The following LRRC49 variants were observed in gnomAD, a reference collection of about 807,000 sequenced individuals.
The protein encoded by LRRC49 is leucine-rich repeat-containing protein 49.
LRRC49 carries 50 observed loss-of-function variants against 83.3 expected under a neutral mutation model. The ratio of observed to expected loss-of-function variants is 0.60; its 90% confidence interval spans 0.48 to 0.76. The LOEUF (loss-of-function observed/expected upper bound fraction) is 0.76. LRRC49 is among the 30% of genes least tolerant of loss of function. The probability of loss-of-function intolerance (pLI) is 0.00; values close to 1 mark genes in which losing one functional copy is unlikely to be tolerated. For synonymous variants in LRRC49, 286 were observed against 283.3 expected, an observed-to-expected ratio of 1.01 and a Z score of -0.10; for missense variants, 704 against 809.1, an observed-to-expected ratio of 0.87 and a Z score of 1.58.
upstream of LRRC49, among the ~76,000 whole-genome samples, chr15:70,888,438 A>G (rs564991840): frequency 7.9e-5 from 12 of 152,344 alleles, no homozygotes; most frequent in African/African-American, 2.6e-4. Flanking sequence ...TTTCAATAAA[A>G]GATGCTGAGT....
intron 8 of LRRC49, among the ~76,000 whole-genome samples, chr15:70,959,077 G>A (rs1314063400): frequency 8.5e-5 from 13 of 152,142 alleles, no homozygotes. Flanking sequence ...TGGTAATTTA[G>A]TGCCTGAATA....
intron 5 of LRRC49, among the ~76,000 whole-genome samples, chr15:70,905,327 A>G (rs1445784122): frequency 6.6e-6 from 1 of 152,198 alleles, no homozygotes; most frequent in South Asian, 2.1e-4. Flanking sequence ...AGCTTTTGCA[A>G]TGCCTACAAA....
At chr15:70,951,000 A>G (rs2036197094) in intron 8 of LRRC49, among the ~76,000 whole-genome samples, 1 of 152,092 alleles carries the variant, frequency 6.6e-6, no homozygotes, top group African/African-American at 2.4e-5. Context: ...TCTCAACACC[A>G]TTTATTGAAT....
At chr15:70,937,593 C>T (rs978885343) in intron 8 of LRRC49, among the ~76,000 whole-genome samples, 3 of 152,060 alleles carry the variant, frequency 2.0e-5, no homozygotes, top group Non-Finnish European at 4.4e-5. Flanking sequence ...AGATTTAGAG[C>T]ATATCTTTTT....
chr15:70,925,587 A>T (rs1297968693), intron 7 of LRRC49, among the ~76,000 whole-genome samples: 1 of 152,192 alleles, frequency 6.6e-6, no homozygotes, highest in Non-Finnish European at 1.5e-5. Flanking sequence ...CTGTGTGAAC[A>T]ATTCATATTG....
chr15:70,965,087 C>T (rs563749712), intron 9 of LRRC49, among the ~76,000 whole-genome samples: 12 of 152,194 alleles, frequency 7.9e-5, no homozygotes, highest in African/African-American at 2.4e-4. Context: ...AACACTGTTT[C>T]ATATTTTTGT....
intron 1 of LRRC49, chr15:70,893,330 C>T (rs1189647903): frequency 3.6e-6 from 2 of 561,440 alleles, no homozygotes. Context: ...TGGCAAATGT[C>T]GAAAGCCTGA....
At chr15:70,892,731 GT>G, upstream of LRRC49, 1 of 1,508,226 alleles carries the variant, frequency 6.6e-7, no homozygotes. Flanking sequence ...TGCAACGACT[GT>G]GTGGCTCTAT....
intron 2 of LRRC49, chr15:70,882,836 G>A (rs1301286211): frequency 1.2e-6 from 2 of 1,614,008 alleles, no homozygotes; most frequent in Non-Finnish European, 1.7e-6. Flanking sequence ...CAGTGAGTAG[G>A]TACTGAAGTG....
chr15:70,860,743 T>C (rs1278216602), intron 1 of LRRC49, among the ~76,000 whole-genome samples: 3 of 152,236 alleles, frequency 2.0e-5, no homozygotes, highest in Admixed American at 2.0e-4. Context: ...AGGTGTGAGA[T>C]TTTTATGAGT....
At position 70,990,542 on chromosome 15, in the gene LRRC49, C is replaced by T. The variant is rs572978523; in HGVS notation, c.1169+6285C>T. 1.4e-4 allele frequency among the ~76,000 whole-genome samples: 22 copies of T among 152,322 alleles called. No homozygotes were observed. The East Asian group carries it at 4.1e-3, about 28-fold the overall frequency. ...ATTTTCCAGGTGCCATCTGTCACCG[C>T]TTTCTTTGACTAGGAAAGGGAACTC... is the stretch of plus-strand genomic sequence containing the variant. On this transcript the variant is annotated intron_variant, in intron 11 of 15. Transcript: ENST00000260382.
In LRRC49 at chr15:71,009,738, C is replaced by T. The variant is rs2038586062; in HGVS notation, c.1408-69C>T. ...TTTACCTGGGGAATGATTAGTGAAG[C>T]TTTAATGTTAATATTTCAATATGGT... On this transcript the variant is annotated intron_variant, in intron 12 of 15. Coordinates refer to ENST00000260382, the MANE Select transcript of LRRC49 (RefSeq NM_017691.5). 1.3e-5 allele frequency: 14 copies of T among 1,065,970 alleles called. No individual in the cohort carries two copies. In the South Asian group the frequency reaches 2.2e-4, roughly 17 times the overall value. 66.0% of individuals were successfully genotyped at this position (1,065,970 alleles called of 1,614,324 possible).
chr15:70,936,727 A>G, intron 7 of LRRC49, 34 bp from the exon 8 acceptor site: 1 of 1,380,286 alleles, frequency 7.2e-7, no homozygotes, highest in Non-Finnish European at 1.0e-6. Flanking sequence ...TTTTTCTTTC[A>G]TCTGATTAAG....
intron 15 of LRRC49, among the ~76,000 whole-genome samples, chr15:71,038,454 T>C (rs1048248650): frequency 6.6e-6 from 1 of 152,132 alleles, no homozygotes; most frequent in Non-Finnish European, 1.5e-5. Flanking sequence ...AGAGTTTCAT[T>C]TGATTGGGTC....
chr15:70,940,485 C>T (rs561366700), intron 8 of LRRC49, among the ~76,000 whole-genome samples: 1 of 147,754 alleles, frequency 6.8e-6, no homozygotes, highest in South Asian at 2.1e-4. Context: ...CCTCGTGATC[C>T]TCCCGCCTTG....
intron 11 of LRRC49, among the ~76,000 whole-genome samples, chr15:70,997,858 T>C (rs1414961985): frequency 6.6e-6 from 1 of 152,246 alleles, no homozygotes; most frequent in Non-Finnish European, 1.5e-5. Context: ...TTACTTGCTT[T>C]CTATCTGTTG....
chr15:71,005,465 A>C (rs1293797769), intron 11 of LRRC49, among the ~76,000 whole-genome samples: 7 of 152,194 alleles, frequency 4.6e-5, no homozygotes, highest in African/African-American at 1.4e-4. Flanking sequence ...GCTTAACACA[A>C]TATCTGACAC....
At chr15:70,883,529 T>C (rs2033322947) in intron 2 of LRRC49, among the ~76,000 whole-genome samples, 1 of 152,150 alleles carries the variant, frequency 6.6e-6, no homozygotes, top group South Asian at 2.1e-4. Context: ...ATTTGATATC[T>C]TAGCAGTCAT....
At chr15:70,876,144 A>G (rs2033147254) in intron 2 of LRRC49, among the ~76,000 whole-genome samples, 2 of 152,210 alleles carry the variant, frequency 1.3e-5, no homozygotes, top group African/African-American at 4.8e-5. Context: ...TAGGGATCCT[A>G]CATCATGGTT....
Sources: allele counts gnomAD v4.1 joint callset (sites outside exome capture counted in the v4.1 genomes callset), GRCh38; gene constraint gnomAD v4.1.1; transcripts MANE v1.5; gene names NCBI Gene and HGNC (gene_info 2026-07-23, HGNC 2026-07-21).